Variants in JAG1 observed in about 807,000 individuals in gnomAD.
The protein encoded by JAG1 is jagged canonical Notch ligand 1, also known as protein jagged-1.
JAG1 carries 23 observed loss-of-function variants against 148.7 expected under a neutral mutation model. The observed-to-expected ratio is 0.15, with a 90% CI of 0.11 to 0.22. JAG1 has a LOEUF of 0.22. Among genes scored for constraint, JAG1 ranks in the 10% least tolerant of loss-of-function variants. The pLI, the probability that JAG1 is intolerant of heterozygous loss-of-function variation, is 1.00. For missense variants in JAG1, 1,054 were observed against 1,611.2 expected, an observed-to-expected ratio of 0.65 and a Z score of 5.92; for synonymous variants, 572 against 598.3, an observed-to-expected ratio of 0.96 and a Z score of 0.64.
Position 10,645,219 on chromosome 20 carries a change from A to G in JAG1, c.2151T>C (p.Gly717=), listed in dbSNP as rs2067299923. ...SQCDEATCNN[G]GTCYDEGDAF... ...CATCCCCCTCATCATAGCAGGTGCC[A>G]CCGTTGTTGCACGTGGCCTCATCAC... Residue 717 remains glycine (G), a synonymous_variant, in exon 17 of 26, where the codon GGT becomes GGC. Coordinates refer to ENST00000254958, the MANE Select transcript of JAG1 (RefSeq NM_000214.3). The surrounding 1 kb of genome is among the most constrained non-coding windows in gnomAD (Gnocchi z 6.1). 6.2e-7 allele frequency: 1 copy of G among 1,613,954 alleles called. No individual in the cohort carries two copies. The highest frequency in any genetic ancestry group is 1.7e-5 in the Admixed American group (1 of 59,890).
In JAG1 at chr20:10,646,792, T is replaced by C. The variant is rs531479064; in HGVS notation, c.1885+147A>G. The C allele has an allele frequency of 1.8e-4, 152 of 835,742 alleles. 2 individuals are homozygous for C. In the South Asian group the frequency reaches 2.1e-3, roughly 11 times the overall value. The allele number at this position is 835,742 out of a possible 1,614,324, so 51.8% of individuals were successfully genotyped here. On this transcript the variant is annotated intron_variant, in intron 14 of 25. Transcript: ENST00000254958. Reference sequence around the variant, plus strand: ...GTGAGCCGAGATCGTGCCACTGCACTCTAGCCTGGGCAACAACAGCGAAAT... The same window carrying C: ...GTGAGCCGAGATCGTGCCACTGCACCCTAGCCTGGGCAACAACAGCGAAAT...
At position 10,673,037 on chromosome 20, in the gene JAG1, C is replaced by G. The variant is rs779755662; in HGVS notation, c.82-31G>C. 8 of 1,597,974 alleles carry G rather than the reference C, an allele frequency of 5.0e-6. No homozygotes were observed. In the South Asian group the frequency reaches 6.6e-5, roughly 13 times the overall value. On this transcript the variant is annotated intron_variant, in intron 1 of 25. Transcript: ENST00000254958. This position sits in a 1 kb window ranked among gnomAD's most constrained non-coding sequence, Gnocchi z 4.7. Reference sequence around the variant, plus strand: ...GGCGAGGGAAGGAGGTAGGTCAGCGCGGGAGAAAGCTGTTTTCTTCGAGTA... The same window carrying G: ...GGCGAGGGAAGGAGGTAGGTCAGCGGGGGAGAAAGCTGTTTTCTTCGAGTA...
At chr20:10,646,437 C>G (rs1400512792) in intron 14 of JAG1, 1 of 373,216 alleles carries the variant, frequency 2.7e-6, no homozygotes, top group African/African-American at 2.1e-5. Flanking sequence ...TTGAACACGA[C>G]CTCAGTCTTA....
At chr20:10,644,702 G>T in intron 18 of JAG1, 161 bp downstream of exon 18, 1 of 701,698 alleles carries the variant, frequency 1.4e-6, no homozygotes, top group East Asian at 2.6e-5. Flanking sequence ...ACTTTCTCAT[G>T]CCCAGGTCAG....
rs536409261 is a variant in JAG1 at position 10,647,059 on chromosome 20, C to T, written c.1765G>A (p.Glu589Lys). The T allele has an allele frequency of 1.9e-6, 3 of 1,614,228 alleles. No homozygotes were observed. Among genetic ancestry groups the T allele is most frequent in the Non-Finnish European group, 2.5e-6 (3 of 1,180,038 alleles). Residue 589 changes from glutamate (E) to lysine (K), a missense_variant, in exon 14 of 26, where the codon GAA becomes AAA. Glu to Lys is a moderately conservative substitution (Grantham distance 56, BLOSUM62 1). Around this residue, in one of 6 missense-constraint regions of JAG1, gnomAD observed 245 missense variants for 373.1 expected, o/e 0.66. Transcript: ENST00000254958. ...TVAMASNDTPEGVRYISSNVC... is the reference protein window; with the variant it reads ...TVAMASNDTPKGVRYISSNVC... ...TTGGAGGAAATATACCGCACCCCTT[C>T]AGGTGTGTCGTTGGAAGCCATGGCC...
intron 3 of JAG1, 71 bp from the exon 4 acceptor site, chr20:10,658,793 A>T: frequency 1.3e-6 from 2 of 1,559,762 alleles, no homozygotes; most frequent in Non-Finnish European, 1.8e-6. Flanking sequence ...TTGGCTTTTT[A>T]AAATAAAAAC....
intron 3 of JAG1, among the ~76,000 whole-genome samples, chr20:10,662,816 T>TC (rs917529376): frequency 6.6e-6 from 1 of 151,306 alleles, no homozygotes; most frequent in African/African-American, 2.4e-5. Flanking sequence ...TTTCATGAGC[T>TC]CCCCCTCCAG....
At chr20:10,664,150 T>C in intron 2 of JAG1, 136 bp from the exon 3 acceptor site, 3 of 751,380 alleles carry the variant, frequency 4.0e-6, no homozygotes, top group Non-Finnish European at 4.8e-6. Context: ...GTTGTTGCAT[T>C]GAGTTCCTGG....
rs573274936 is a variant in JAG1 at position 10,668,561 on chromosome 20, T to A, written c.387+4140A>T. Among the ~76,000 whole-genome samples the A allele has an allele frequency of 2.3e-4, 35 of 152,314 alleles. No homozygotes were observed. In the South Asian group the frequency reaches 6.6e-3, roughly 29 times the overall value. ...AAAGCCGGACATTGGGACCAACTTCTGGCCCTTCTACAATGGGGCCAGTGG... is the reference window on the plus strand; with the variant it reads ...AAAGCCGGACATTGGGACCAACTTCAGGCCCTTCTACAATGGGGCCAGTGG... On this transcript the variant is annotated intron_variant, in intron 2 of 25. Transcript: ENST00000254958.
intron 20 of JAG1, 72 bp from the exon 21 acceptor site, chr20:10,642,673 T>G: frequency 6.7e-6 from 6 of 891,338 alleles, no homozygotes; most frequent in Middle Eastern, 4.3e-4. Flanking sequence ...TTTATTGACA[T>G]AACATACAAG....
chr20:10,650,095 C>A, intron 9 of JAG1, 152 bp downstream of exon 9: 1 of 698,054 alleles, frequency 1.4e-6, no homozygotes. Context: ...CAAGTTATTT[C>A]TCCCAGGCCT....
chr20:10,668,510 G>A (rs2067472432), intron 2 of JAG1, among the ~76,000 whole-genome samples: 1 of 152,134 alleles, frequency 6.6e-6, no homozygotes, highest in Admixed American at 6.6e-5. Flanking sequence ...CAGAGATCAT[G>A]CATTCTTACA....
intron 2 of JAG1, among the ~76,000 whole-genome samples, chr20:10,669,603 G>A (rs982529566): frequency 9.2e-6 from 1 of 109,120 alleles, no homozygotes; most frequent in African/African-American, 3.5e-5. Context: ...ATCTCAGCAA[G>A]TCTTTTAATA....
In JAG1 at chr20:10,645,063, T is replaced by A; in HGVS notation, c.2227+80A>T. ...GGCAAGAACCAGGCCCAGAGAAATATCATAAGCTCCAGGGGCCAACCAGCA... is the reference window on the plus strand; with the variant it reads ...GGCAAGAACCAGGCCCAGAGAAATAACATAAGCTCCAGGGGCCAACCAGCA... On this transcript the variant is annotated intron_variant, in intron 17 of 25. Transcript: ENST00000254958. This position sits in a 1 kb window ranked among gnomAD's most constrained non-coding sequence, Gnocchi z 6.1. The A allele has an allele frequency of 1.3e-6, 2 of 1,517,630 alleles. No individual in the cohort carries two copies. The highest frequency in any genetic ancestry group is 1.8e-6 in the Non-Finnish European group (2 of 1,092,232). The allele number at this position is 1,517,630 out of a possible 1,614,324, so 94.0% of individuals were successfully genotyped here.
intron 3 of JAG1, among the ~76,000 whole-genome samples, chr20:10,660,721 G>A (rs769867548): frequency 6.6e-6 from 1 of 152,194 alleles, no homozygotes; most frequent in Non-Finnish European, 1.5e-5. Context: ...GCATGTCTGG[G>A]TTCAAATACG....
chr20:10,660,564 G>C (rs1433695754), intron 3 of JAG1, among the ~76,000 whole-genome samples: 1 of 152,182 alleles, frequency 6.6e-6, no homozygotes, highest in East Asian at 1.9e-4. Flanking sequence ...GCAATCCTAG[G>C]GGTGCAGGAC....
intron 2 of JAG1, among the ~76,000 whole-genome samples, chr20:10,671,336 CTTCACA>C (rs2067493414): frequency 6.6e-6 from 1 of 152,150 alleles, no homozygotes; most frequent in African/African-American, 2.4e-5. Context: ...CTCAAGAGAG[CTTCACA>C]GACAGCGTTG....
At chr20:10,647,384 AT>A (rs1294759862) in intron 13 of JAG1, 2 of 509,710 alleles carry the variant, frequency 3.9e-6, no homozygotes, top group Non-Finnish European at 3.6e-6. Flanking sequence ...CATCTACCCA[AT>A]TTGGTAAACA....
intron 2 of JAG1, among the ~76,000 whole-genome samples, chr20:10,665,943 G>A (rs2067451050): frequency 6.6e-6 from 1 of 152,154 alleles, no homozygotes; most frequent in African/African-American, 2.4e-5. Context: ...GAAAACCTCA[G>A]AAGTTGCTGA....
Sources: gnomAD v4.1 joint callset for allele counts (sites outside exome capture counted in the v4.1 genomes callset) on GRCh38, gnomAD v4.1.1 for gene constraint, gnomAD v4.1.1 regional missense constraint, Gnocchi (gnomAD v3.1) non-coding constraint, MANE v1.5 for transcripts, NCBI Gene and HGNC (gene_info 2026-07-23, HGNC 2026-07-21) for gene names.